Variants in SNTG1 observed in about 807,000 individuals in gnomAD.
SNTG1 encodes the protein gamma-1-syntrophin.
A neutral mutation model predicts 74.7 loss-of-function variants in SNTG1; 39 were observed. That is an observed-to-expected ratio of 0.52 (90% CI 0.40 to 0.68). The LOEUF (loss-of-function observed/expected upper bound fraction) is 0.68, where lower values mean the gene tolerates loss of function less well. Among genes scored for constraint, SNTG1 ranks in the 30% least tolerant of loss-of-function variants. The pLI is 0.00. For synonymous variants in SNTG1, 254 were observed against 217.1 expected, an observed-to-expected ratio of 1.17 and a Z score of -1.49; for missense variants, 685 against 609.5, an observed-to-expected ratio of 1.12 and a Z score of -1.30.
chr8:50,462,709 C>A (rs781484281), intron 8 of SNTG1, among the ~76,000 whole-genome samples: 1 of 144,792 alleles, frequency 6.9e-6, no homozygotes, highest in Non-Finnish European at 1.5e-5. Context: ...AAACCACTTT[C>A]TTTGCTCTTC....
At chr8:50,317,824 T>A (rs2090368173) in intron 2 of SNTG1, among the ~76,000 whole-genome samples, 1 of 152,144 alleles carries the variant, frequency 6.6e-6, no homozygotes, top group Non-Finnish European at 1.5e-5. Context: ...CATCACTTAT[T>A]GTCTGAGTTG....
intron 2 of SNTG1, among the ~76,000 whole-genome samples, chr8:50,199,944 G>A (rs146835722): frequency 2.0e-5 from 3 of 152,136 alleles, no homozygotes; most frequent in Non-Finnish European, 4.4e-5. Flanking sequence ...GCATTTGGGC[G>A]CTAATAGGAT....
chr8:50,371,567 C>T (rs1563954289), intron 2 of SNTG1, among the ~76,000 whole-genome samples: 1 of 152,070 alleles, frequency 6.6e-6, no homozygotes, highest in Non-Finnish European at 1.5e-5. Flanking sequence ...GAGTGTTGTT[C>T]AGCCCCTTTG....
intron 9 of SNTG1, among the ~76,000 whole-genome samples, chr8:50,510,622 C>T (rs1365231796): frequency 2.6e-5 from 4 of 152,172 alleles, no homozygotes; most frequent in African/African-American, 9.7e-5. Context: ...AGAGATTCAA[C>T]TTCTTCCTGG....
At chr8:50,013,935 T>G (rs961040576) in intron 1 of SNTG1, among the ~76,000 whole-genome samples, 5 of 151,870 alleles carry the variant, frequency 3.3e-5, no homozygotes, top group Non-Finnish European at 5.9e-5. Flanking sequence ...TTCCTCTAAC[T>G]CAATGTTAAT....
At chr8:50,253,029 A>G (rs1364561414) in intron 2 of SNTG1, among the ~76,000 whole-genome samples, 1 of 152,168 alleles carries the variant, frequency 6.6e-6, no homozygotes, top group Admixed American at 6.5e-5. Context: ...AAAAGAAAAC[A>G]AGTGGTGGTG....
At chr8:50,776,752 C>T (rs2095641952) in intron 18 of SNTG1, among the ~76,000 whole-genome samples, 1 of 151,580 alleles carries the variant, frequency 6.6e-6, no homozygotes, top group Admixed American at 6.6e-5. Flanking sequence ...CTTTTTAAGC[C>T]ATGCTTTTAG....
At chr8:50,475,705 A>T (rs1440361105) in intron 8 of SNTG1, among the ~76,000 whole-genome samples, 4 of 152,186 alleles carry the variant, frequency 2.6e-5, no homozygotes, top group African/African-American at 9.7e-5. Context: ...CAAGATAACT[A>T]AAAAGTTTGC....
intron 4 of SNTG1, among the ~76,000 whole-genome samples, chr8:50,417,215 G>A (rs984927809): frequency 6.6e-6 from 1 of 152,020 alleles, no homozygotes; most frequent in Non-Finnish European, 1.5e-5. Context: ...ACACAAGTTG[G>A]AACATCTCTG....
chr8:50,766,139 G>C (rs1396270493), intron 18 of SNTG1, among the ~76,000 whole-genome samples: 1 of 151,926 alleles, frequency 6.6e-6, no homozygotes, highest in African/African-American at 2.4e-5. Context: ...CAAGAAGCTG[G>C]TTGTCTCCAT....
At chr8:50,580,457 CA>C (rs1406627460) in intron 12 of SNTG1, among the ~76,000 whole-genome samples, 4 of 151,984 alleles carry the variant, frequency 2.6e-5, no homozygotes, top group African/African-American at 9.7e-5. Flanking sequence ...TGGGAGGGGC[CA>C]GGGGCAGAAT....
At chr8:49,984,511 G>C (rs1442658745) in intron 1 of SNTG1, among the ~76,000 whole-genome samples, 1 of 152,008 alleles carries the variant, frequency 6.6e-6, no homozygotes, top group Non-Finnish European at 1.5e-5. Flanking sequence ...AGCCTAGATA[G>C]GGTCAAATAT....
At chr8:50,172,380 T>C (rs2082837284) in intron 1 of SNTG1, among the ~76,000 whole-genome samples, 181 bp from the exon 2 acceptor site, 2 of 152,208 alleles carry the variant, frequency 1.3e-5, no homozygotes, top group African/African-American at 4.8e-5. Context: ...CTAGATAATT[T>C]ACAGGGATTT....
chr8:49,997,375 T>C (rs1814329197), intron 1 of SNTG1, among the ~76,000 whole-genome samples: 1 of 152,130 alleles, frequency 6.6e-6, no homozygotes, highest in Non-Finnish European at 1.5e-5. Flanking sequence ...TATATTGTTA[T>C]TTTTTCAATC....
intron 13 of SNTG1, among the ~76,000 whole-genome samples, chr8:50,631,496 G>A (rs2094997105): frequency 6.6e-6 from 1 of 152,072 alleles, no homozygotes; most frequent in Admixed American, 6.6e-5. Context: ...ACACTTGATT[G>A]ACCTCATCAA....
chr8:50,691,296 G>A (rs976989390), intron 15 of SNTG1, among the ~76,000 whole-genome samples: 2 of 152,138 alleles, frequency 1.3e-5, no homozygotes, highest in African/African-American at 4.8e-5. Context: ...TCATTATGAT[G>A]TTAGCTGGTT....
intron 13 of SNTG1, among the ~76,000 whole-genome samples, chr8:50,597,371 GTA>G (rs2094736549): frequency 1.6e-5 from 1 of 63,820 alleles, no homozygotes; most frequent in Non-Finnish European, 3.9e-5. Flanking sequence ...ACATATACAT[GTA>G]TATATACACA....
chr8:50,371,415 C>T (rs1487309603), intron 2 of SNTG1, among the ~76,000 whole-genome samples: 10 of 152,218 alleles, frequency 6.6e-5, no homozygotes, highest in African/African-American at 2.2e-4. Context: ...TGGCTTCTCC[C>T]TCCCAGCATA....
chr8:49,991,316 A>C (rs993311768), intron 1 of SNTG1, among the ~76,000 whole-genome samples: 5 of 152,136 alleles, frequency 3.3e-5, no homozygotes, highest in African/African-American at 1.2e-4. Context: ...GATATGAAAA[A>C]ATTGGAGCCC....
Sources: gnomAD v4.1 joint callset for allele counts (sites outside exome capture counted in the v4.1 genomes callset) on GRCh38, gnomAD v4.1.1 for gene constraint, MANE v1.5 for transcripts, NCBI Gene and HGNC (gene_info 2026-07-23, HGNC 2026-07-21) for gene names.